SMYD3: variants seen among roughly 807,000 people sequenced by gnomAD.
SMYD3 encodes SET and MYND domain containing 3.
SMYD3 carries 36 observed loss-of-function variants against 57.7 expected under a neutral mutation model. That is an observed-to-expected ratio of 0.62 (90% CI 0.48 to 0.82). The LOEUF (loss-of-function observed/expected upper bound fraction) is 0.82. SMYD3 is among the 40% of genes least tolerant of loss of function. The probability of loss-of-function intolerance (pLI) is 0.00; values close to 1 mark genes in which losing one functional copy is unlikely to be tolerated. For synonymous variants in SMYD3, 211 were observed against 195.0 expected, an observed-to-expected ratio of 1.08 and a Z score of -0.68; for missense variants, 515 against 538.8, an observed-to-expected ratio of 0.96 and a Z score of 0.44.
chr1:246,431,864 T>C (rs928803904), intron 1 of SMYD3, among the ~76,000 whole-genome samples: 3 of 152,234 alleles, frequency 2.0e-5, no homozygotes, highest in African/African-American at 7.2e-5. Flanking sequence ...CTCAATTCTT[T>C]TCTTAAAAAG....
At chr1:246,336,447 G>A (rs567970065) in intron 2 of SMYD3, among the ~76,000 whole-genome samples, 1 of 152,194 alleles carries the variant, frequency 6.6e-6, no homozygotes, top group Non-Finnish European at 1.5e-5. Flanking sequence ...CTCAATTTCT[G>A]GGTCTACAAA....
chr1:245,827,848 GA>G (rs1164423357), intron 10 of SMYD3, among the ~76,000 whole-genome samples: 8 of 152,192 alleles, frequency 5.3e-5, no homozygotes, highest in African/African-American at 9.6e-5. Flanking sequence ...GCTAATTAAT[GA>G]GGAGCCGAGT....
chr1:245,959,336 C>T (rs1011663521), intron 5 of SMYD3, among the ~76,000 whole-genome samples: 1 of 152,178 alleles, frequency 6.6e-6, no homozygotes, highest in African/African-American at 2.4e-5. Context: ...TATTCTACGG[C>T]TCCCGACAGC....
In SMYD3 at chr1:246,082,662, G is replaced by A. The variant is rs143410603; in HGVS notation, c.532-152725C>T. Among the ~76,000 whole-genome samples, 492 of 152,210 alleles carry A rather than the reference G, an allele frequency of 3.2e-3. 15 individuals carry two copies. Among genetic ancestry groups the A allele is most frequent in the Admixed American group, 0.027 (417 of 15,296 alleles). On this transcript the variant is annotated intron_variant, in intron 5 of 11. Coordinates refer to ENST00000490107, the MANE Select transcript of SMYD3 (RefSeq NM_001167740.2). Reference sequence around the variant, plus strand: ...TAAACTCTTTCTTTACTGCAATATCGTGGGCTTGGCGAAATGGTTTTGTGT... The same window carrying A: ...TAAACTCTTTCTTTACTGCAATATCATGGGCTTGGCGAAATGGTTTTGTGT...
chr1:246,106,554 G>T (rs1051223452), intron 5 of SMYD3, among the ~76,000 whole-genome samples: 1 of 152,188 alleles, frequency 6.6e-6, no homozygotes, highest in African/African-American at 2.4e-5. Context: ...CACTGACAGA[G>T]AGGAGAGAAG....
chr1:246,210,106 G>C (rs1420929563), intron 5 of SMYD3, among the ~76,000 whole-genome samples: 1 of 152,124 alleles, frequency 6.6e-6, no homozygotes, highest in Admixed American at 6.5e-5. Context: ...TCAGGTAACA[G>C]GACATATTCC....
chr1:246,427,519 C>CA (rs200791623), intron 1 of SMYD3, among the ~76,000 whole-genome samples: 97,626 of 135,182 alleles, frequency 0.72, 36,663 homozygotes, highest in Non-Finnish European at 0.83. Flanking sequence ...GACTCCGTCT[C>CA]AAAAAAAAAA....
intron 1 of SMYD3, among the ~76,000 whole-genome samples, chr1:246,399,688 G>T (rs997211258): frequency 6.6e-6 from 1 of 152,030 alleles, no homozygotes. Flanking sequence ...CTGTGAAAAA[G>T]AAACAAAAAT....
At chr1:246,133,042 G>A (rs2061611329) in intron 5 of SMYD3, among the ~76,000 whole-genome samples, 1 of 151,884 alleles carries the variant, frequency 6.6e-6, no homozygotes, top group African/African-American at 2.4e-5. Flanking sequence ...GTGGAAATAT[G>A]AAAGGTGCTA....
Position 245,969,758 on chromosome 1 carries a change from G to T in SMYD3, c.532-39821C>A, listed in dbSNP as rs575825590. ...AACTACATTAGGAAAAGAGAAAGGT[G>T]CCTTACTTTTTGACATACCACTAAG... On this transcript the variant is annotated intron_variant, in intron 5 of 11. Coordinates refer to ENST00000490107, the MANE Select transcript of SMYD3 (RefSeq NM_001167740.2). Among the ~76,000 whole-genome samples the T allele has an allele frequency of 1.9e-4, 29 of 152,272 alleles. 1 individual carries two copies. In the Middle Eastern group the frequency reaches 0.01, roughly 54 times the overall value.
At chr1:246,462,430 G>A (rs570667571) in intron 1 of SMYD3, among the ~76,000 whole-genome samples, 2 of 152,248 alleles carry the variant, frequency 1.3e-5, no homozygotes, top group East Asian at 1.9e-4. Context: ...GACTCCATGG[G>A]GGCCTGGCCT....
intron 5 of SMYD3, among the ~76,000 whole-genome samples, chr1:246,091,106 C>T (rs980621503): frequency 5.3e-5 from 8 of 152,274 alleles, no homozygotes; most frequent in South Asian, 2.1e-4. Flanking sequence ...GCGGTTAGCA[C>T]GGCTGCTGTT....
intron 5 of SMYD3, among the ~76,000 whole-genome samples, chr1:246,042,807 C>A (rs778166985): frequency 1.2e-4 from 18 of 152,118 alleles, no homozygotes; most frequent in Non-Finnish European, 4.4e-5. Context: ...TTCCCCCAAC[C>A]CCAGAAACCC....
chr1:246,169,390 A>AAAC (rs1182527473), intron 5 of SMYD3, among the ~76,000 whole-genome samples: 2 of 150,042 alleles, frequency 1.3e-5, no homozygotes, highest in Non-Finnish European at 3.0e-5. Context: ...TCAAAAAAAA[A>AAAC]AAAAAAAAAA....
At chr1:246,082,903 G>A (rs1355417595) in intron 5 of SMYD3, among the ~76,000 whole-genome samples, 1 of 150,842 alleles carries the variant, frequency 6.6e-6, no homozygotes, top group African/African-American at 2.5e-5. Flanking sequence ...TTGTTAAACA[G>A]ATGCTTGAAG....
At chr1:246,287,229 C>T (rs895128235) in intron 5 of SMYD3, among the ~76,000 whole-genome samples, 1 of 152,118 alleles carries the variant, frequency 6.6e-6, no homozygotes, top group African/African-American at 2.4e-5. Flanking sequence ...ATCAATTGAT[C>T]AGAAAACATT....
intron 10 of SMYD3, among the ~76,000 whole-genome samples, chr1:245,775,404 G>A (rs2046538790): frequency 6.6e-6 from 1 of 152,018 alleles, no homozygotes; most frequent in Non-Finnish European, 1.5e-5. Flanking sequence ...GTTGATCTGT[G>A]ACCTTACCCC....
chr1:246,143,664 T>C (rs1488911997), intron 5 of SMYD3, among the ~76,000 whole-genome samples: 1 of 152,122 alleles, frequency 6.6e-6, no homozygotes, highest in East Asian at 1.9e-4. Flanking sequence ...CGAGACCCTA[T>C]CTCAAATCAA....
At chr1:246,324,143 G>T (rs867195802) in intron 5 of SMYD3, among the ~76,000 whole-genome samples, 1 of 152,124 alleles carries the variant, frequency 6.6e-6, no homozygotes, top group Non-Finnish European at 1.5e-5. Flanking sequence ...GGCCGGGTGC[G>T]GTAGCTCACG....
Sources: allele counts gnomAD v4.1 joint callset (sites outside exome capture counted in the v4.1 genomes callset), GRCh38; gene constraint gnomAD v4.1.1; transcripts MANE v1.5; gene names NCBI Gene and HGNC (gene_info 2026-07-23, HGNC 2026-07-21).